Variants in SCAPER observed in about 807,000 individuals in gnomAD.
SCAPER encodes S phase cyclin A-associated protein in the endoplasmic reticulum.
In SCAPER, 98 loss-of-function variants were observed where a neutral mutation model predicts 182.2. That is an observed-to-expected ratio of 0.54 (90% CI 0.46 to 0.64). The LOEUF is 0.64. SCAPER is among the 30% of genes least tolerant of loss of function. SCAPER has a pLI of 0.00. For synonymous variants in SCAPER, 605 were observed against 564.6 expected (o/e 1.07, Z -1.01); for missense variants, 1,432 against 1,690.0 (o/e 0.85, Z 2.68).
intron 1 of SCAPER, among the ~76,000 whole-genome samples, chr15:76,903,244 T>C (rs1386856841): frequency 6.6e-6 from 1 of 152,192 alleles, no homozygotes; most frequent in African/African-American, 2.4e-5. Context: ...TAGAATACTA[T>C]ATCCTTTGGA....
At chr15:76,433,772 A>G (rs1230893491) in intron 26 of SCAPER, among the ~76,000 whole-genome samples, 5 of 152,226 alleles carry the variant, frequency 3.3e-5, no homozygotes, top group Admixed American at 1.3e-4. Flanking sequence ...TGTGTTTATC[A>G]TTGAGCATGT....
At chr15:76,778,931 T>G (rs2063916761) in intron 8 of SCAPER, among the ~76,000 whole-genome samples, 1 of 151,954 alleles carries the variant, frequency 6.6e-6, no homozygotes, top group African/African-American at 2.4e-5. Flanking sequence ...CAAACATTAA[T>G]AAATCAGGAG....
At chr15:76,386,075 G>A (rs986770645) in intron 27 of SCAPER, among the ~76,000 whole-genome samples, 6 of 152,148 alleles carry the variant, frequency 3.9e-5, no homozygotes, top group African/African-American at 1.4e-4. Flanking sequence ...CTTGGCTTAT[G>A]GCCCCTTATT....
At chr15:76,360,645 T>C (rs1160714516) in intron 29 of SCAPER, among the ~76,000 whole-genome samples, 1 of 152,204 alleles carries the variant, frequency 6.6e-6, no homozygotes, top group Non-Finnish European at 1.5e-5. Context: ...GCCATTCAAA[T>C]AAACAAACCA....
intron 22 of SCAPER, among the ~76,000 whole-genome samples, chr15:76,597,226 T>C (rs574302282): frequency 8.3e-6 from 1 of 121,054 alleles, no homozygotes; most frequent in East Asian, 2.2e-4. Context: ...GAGAATAAAA[T>C]ACCTAGCAAA....
At chr15:76,474,940 A>G (rs2143006398) in intron 24 of SCAPER, among the ~76,000 whole-genome samples, 1 of 152,314 alleles carries the variant, frequency 6.6e-6, no homozygotes, top group East Asian at 1.9e-4. Flanking sequence ...GTAATGAAAA[A>G]AAAACCTTGA....
At chr15:76,692,066 T>G (rs1006735719) in intron 20 of SCAPER, among the ~76,000 whole-genome samples, 1 of 152,280 alleles carries the variant, frequency 6.6e-6, no homozygotes, top group East Asian at 1.9e-4. Context: ...GGCTGGAAAT[T>G]GAGAAGATAC....
At chr15:76,858,289 A>G (rs1175038414) in intron 3 of SCAPER, among the ~76,000 whole-genome samples, 1 of 152,200 alleles carries the variant, frequency 6.6e-6, no homozygotes, top group African/African-American at 2.4e-5. Context: ...TATGTTTTCT[A>G]TATAAAACCC....
At chr15:76,785,880 G>GT (rs920502153) in intron 8 of SCAPER, among the ~76,000 whole-genome samples, 6 of 152,156 alleles carry the variant, frequency 3.9e-5, no homozygotes, top group Admixed American at 2.6e-4. Flanking sequence ...CTGTCGTGGG[G>GT]TGAGGGACTG....
chr15:76,376,335 G>C (rs756971039), intron 28 of SCAPER, 24 bp from the exon 29 acceptor site: 12 of 1,595,010 alleles, frequency 7.5e-6, no homozygotes, highest in Middle Eastern at 1.7e-4. Flanking sequence ...GGAGCAGTTA[G>C]AAGCCCTCAG....
At chr15:76,563,363 A>G (rs772834899) in intron 23 of SCAPER, among the ~76,000 whole-genome samples, 4 of 152,220 alleles carry the variant, frequency 2.6e-5, no homozygotes, top group Non-Finnish European at 4.4e-5. Flanking sequence ...GCACAGAAAT[A>G]CAAGCAACAA....
chr15:76,532,055 AT>A (rs1449320908), intron 23 of SCAPER, among the ~76,000 whole-genome samples: 2 of 152,030 alleles, frequency 1.3e-5, no homozygotes, highest in African/African-American at 4.8e-5. Context: ...GACTTTATAT[AT>A]TTTTTCCCCT....
intron 21 of SCAPER, among the ~76,000 whole-genome samples, chr15:76,622,340 G>A (rs185505111): frequency 4.0e-4 from 61 of 152,050 alleles, no homozygotes; most frequent in African/African-American, 1.3e-3. Context: ...AAAGGATCCT[G>A]TTGTCAAAGA....
At chr15:76,441,444 T>C (rs2047594066) in intron 25 of SCAPER, among the ~76,000 whole-genome samples, 1 of 152,226 alleles carries the variant, frequency 6.6e-6, no homozygotes, top group Non-Finnish European at 1.5e-5. Flanking sequence ...AATCATATAC[T>C]TCCTCTGCTC....
intron 24 of SCAPER, among the ~76,000 whole-genome samples, chr15:76,474,214 T>C (rs1024416297): frequency 1.3e-5 from 2 of 152,204 alleles, no homozygotes; most frequent in Non-Finnish European, 2.9e-5. Flanking sequence ...AAAATCTTTA[T>C]GGGCAATTTT....
At chr15:76,515,548 T>C (rs1268858965) in intron 23 of SCAPER, among the ~76,000 whole-genome samples, 2 of 152,140 alleles carry the variant, frequency 1.3e-5, no homozygotes, top group African/African-American at 4.8e-5. Flanking sequence ...GCCAGTAACA[T>C]GGACAAACTC....
intron 17 of SCAPER, among the ~76,000 whole-genome samples, chr15:76,723,469 C>T (rs1343017090): frequency 6.6e-6 from 1 of 152,104 alleles, no homozygotes; most frequent in Admixed American, 6.5e-5. Flanking sequence ...GAGCTGAGTT[C>T]AATTCCTGGA....
intron 22 of SCAPER, among the ~76,000 whole-genome samples, chr15:76,609,479 C>G (rs1317099236): frequency 6.6e-6 from 1 of 152,028 alleles, no homozygotes; most frequent in South Asian, 2.1e-4. Context: ...AGAATGAGAC[C>G]TTTGATTAAA....
At position 76,488,471 on chromosome 15, in the gene SCAPER, T is replaced by G. The variant is rs183773288; in HGVS notation, c.2954+16388A>C. On this transcript the variant is annotated intron_variant, in intron 24 of 31. Transcript: ENST00000563290. ...CATACTCAGTTTCCACTAATTTTTTTGTCACTAAACTAGTAACATGGTCAG... is the reference window on the plus strand; with the variant it reads ...CATACTCAGTTTCCACTAATTTTTTGGTCACTAAACTAGTAACATGGTCAG... 9.1e-3 allele frequency among the ~76,000 whole-genome samples: 1,384 copies of G among 152,300 alleles called. 9 individuals carry two copies. Among genetic ancestry groups the G allele is most frequent in the Non-Finnish European group, 0.016 (1,069 of 68,014 alleles).
Sources: gnomAD v4.1 joint callset for allele counts (sites outside exome capture counted in the v4.1 genomes callset) on GRCh38, gnomAD v4.1.1 for gene constraint, MANE v1.5 for transcripts, NCBI Gene and HGNC (gene_info 2026-07-23, HGNC 2026-07-21) for gene names.